Variants in DLGAP2 observed in about 807,000 individuals in gnomAD.
DLGAP2 encodes disks large-associated protein 2.
DLGAP2 carries 26 observed loss-of-function variants against 100.3 expected under a neutral mutation model. The observed-to-expected ratio is 0.26, with a 90% confidence interval of 0.19 to 0.36. DLGAP2 has a LOEUF of 0.36. Among genes scored for constraint, DLGAP2 ranks in the 10% least tolerant of loss-of-function variants. The pLI, the probability that DLGAP2 is intolerant of heterozygous loss-of-function variation, is 1.00. For missense variants in DLGAP2, 1,858 were observed against 1,453.2 expected (o/e 1.28, Z -4.53); for synonymous variants, 886 against 630.1 (o/e 1.41, Z -6.08).
At chr8:1,691,716 G>A in intron 13 of DLGAP2, 90 bp downstream of exon 13, 1 of 1,149,110 alleles carries the variant, frequency 8.7e-7, no homozygotes, top group Non-Finnish European at 1.3e-6. Context: ...CCTTGTCAAA[G>A]AGTTCCCATC....
chr8:1,052,355 G>A (rs893482722), intron 2 of DLGAP2, among the ~76,000 whole-genome samples: 2 of 152,220 alleles, frequency 1.3e-5, no homozygotes, highest in Non-Finnish European at 2.9e-5. Flanking sequence ...AAGCTCAGTA[G>A]CCTGTAATCC....
In DLGAP2 at chr8:1,027,074, G is replaced by A. The variant is rs11989554; in HGVS notation, c.73+119108G>A. On this transcript the variant is annotated intron_variant, in intron 2 of 14. Transcript: ENST00000637795. ...TGAAATATGTGCCCATAATGGCTGT[G>A]CCTCTTTATTTCTAGTATTTAGGGA... is the stretch of plus-strand genomic sequence containing the variant. Among the ~76,000 whole-genome samples, 988 of 152,182 alleles carry A rather than the reference G, an allele frequency of 6.5e-3. 13 individuals are homozygous for A. Among genetic ancestry groups the A allele is most frequent in the African/African-American group, 0.021 (886 of 41,508 alleles).
At chr8:1,627,759 T>C (rs1445744320) in intron 7 of DLGAP2, among the ~76,000 whole-genome samples, 58 of 151,790 alleles carry the variant, frequency 3.8e-4, no homozygotes, top group African/African-American at 1.3e-3. Context: ...CCTCACATTC[T>C]CTCTGACTTA....
chr8:1,254,888 C>CGTGCTGTGTCTGTGCTCTCTCCTGCCCAG (rs1799138244), intron 2 of DLGAP2, among the ~76,000 whole-genome samples: 1 of 128,736 alleles, frequency 7.8e-6, no homozygotes, highest in African/African-American at 3.6e-5. Context: ...CTCCTGCCCG[C>CGTGCTGTGTCTGTGCTCTCTCCTGCCCAG]GTGCTGTGTC....
At chr8:1,105,517 G>T (rs1172750020) in intron 2 of DLGAP2, among the ~76,000 whole-genome samples, 7 of 152,076 alleles carry the variant, frequency 4.6e-5, no homozygotes, top group Non-Finnish European at 8.8e-5. Flanking sequence ...GCTGAGCGGG[G>T]GTCTGTGCCT....
chr8:1,669,656 A>G (rs1264614012), intron 9 of DLGAP2, 87 bp from the exon 10 acceptor site: 2 of 776,210 alleles, frequency 2.6e-6, no homozygotes, highest in Non-Finnish European at 4.8e-6. Flanking sequence ...GTAGCTAGGC[A>G]TGCGGGCGGA....
intron 2 of DLGAP2, among the ~76,000 whole-genome samples, chr8:1,253,954 C>T (rs779324672): frequency 3.9e-5 from 6 of 152,158 alleles, no homozygotes; most frequent in Non-Finnish European, 7.3e-5. Flanking sequence ...GTGGGGAAAG[C>T]CCTGAATCTG....
At chr8:1,061,515 C>A (rs750501373) in intron 2 of DLGAP2, among the ~76,000 whole-genome samples, 1 of 152,170 alleles carries the variant, frequency 6.6e-6, no homozygotes, top group East Asian at 1.9e-4. Flanking sequence ...TTATTTGCAT[C>A]CCCCCCTCCA....
At position 1,407,740 on chromosome 8, in the gene DLGAP2, C is replaced by T. The variant is rs1385148484; in HGVS notation, c.107-93626C>T. On this transcript the variant is annotated intron_variant, in intron 3 of 14. Transcript: ENST00000637795. ...ATTGAGTGCTTACTGAGCGCCAGCT[C>T]GTCATCCTCCAGAGTCGTGTATTGA... 1.3e-4 allele frequency among the ~76,000 whole-genome samples: 18 copies of T among 139,302 alleles called. 2 individuals are homozygous for T. The highest frequency in any genetic ancestry group is 4.2e-4 in the African/African-American group (16 of 37,762). 91.4% of individuals were successfully genotyped at this position (139,302 alleles called of 152,430 possible).
At chr8:1,479,934 G>T (rs1799042869) in intron 3 of DLGAP2, among the ~76,000 whole-genome samples, 1 of 152,188 alleles carries the variant, frequency 6.6e-6, no homozygotes, top group African/African-American at 2.4e-5. Flanking sequence ...TGTAAATTGG[G>T]TAGTGCTGGC....
intron 3 of DLGAP2, among the ~76,000 whole-genome samples, chr8:1,384,508 G>T (rs1456119237): frequency 1.0e-5 from 1 of 98,914 alleles, no homozygotes; most frequent in Non-Finnish European, 2.2e-5. Context: ...CGCGGCCTGT[G>T]CCCGGCCCCT....
chr8:1,500,966 C>T (rs898064971), intron 3 of DLGAP2, among the ~76,000 whole-genome samples: 4 of 152,128 alleles, frequency 2.6e-5, no homozygotes, highest in African/African-American at 9.7e-5. Context: ...TTCTCATGGG[C>T]GATGCAGGGC....
chr8:780,567 A>C (rs1009299400), intron 1 of DLGAP2, among the ~76,000 whole-genome samples: 1 of 152,160 alleles, frequency 6.6e-6, no homozygotes, highest in African/African-American at 2.4e-5. Flanking sequence ...ACAGCATTTC[A>C]CTAATTTACC....
intron 3 of DLGAP2, among the ~76,000 whole-genome samples, chr8:1,455,134 C>T (rs991092258): frequency 6.6e-6 from 1 of 152,226 alleles, no homozygotes; most frequent in East Asian, 1.9e-4. Flanking sequence ...TCATGGCAAC[C>T]CTGTGAGCGG....
At chr8:1,432,314 A>T (rs533097480) in intron 3 of DLGAP2, among the ~76,000 whole-genome samples, 1 of 152,356 alleles carries the variant, frequency 6.6e-6, no homozygotes, top group Admixed American at 6.5e-5. Context: ...AATCTGAGAA[A>T]CTGCTTTTAT....
intron 12 of DLGAP2, among the ~76,000 whole-genome samples, chr8:1,679,922 G>A (rs1465254288): frequency 7.1e-6 from 1 of 140,970 alleles, no homozygotes; most frequent in Non-Finnish European, 1.5e-5. Context: ...AGAGGTTGCA[G>A]TGAGTCAAGA....
chr8:921,765 A>T (rs114336868), intron 2 of DLGAP2, among the ~76,000 whole-genome samples: 1,523 of 152,286 alleles, frequency 0.01, 27 homozygotes, highest in African/African-American at 0.035. Context: ...GCCGCCTCCC[A>T]TTGAGCCACT....
intron 1 of DLGAP2, among the ~76,000 whole-genome samples, chr8:858,507 G>A (rs1017447588): frequency 3.3e-5 from 5 of 152,076 alleles, no homozygotes; most frequent in African/African-American, 1.2e-4. Flanking sequence ...GTGGGCACAT[G>A]TGTGGTGCTG....
intron 2 of DLGAP2, among the ~76,000 whole-genome samples, chr8:1,180,696 T>C (rs1038297092): frequency 1.3e-5 from 2 of 150,754 alleles, no homozygotes; most frequent in African/African-American, 4.9e-5. Flanking sequence ...ACAATTACCG[T>C]CGAGTGTGTG....
Sources: gnomAD v4.1 joint callset for allele counts (sites outside exome capture counted in the v4.1 genomes callset) on GRCh38, gnomAD v4.1.1 for gene constraint, MANE v1.5 for transcripts, NCBI Gene and HGNC (gene_info 2026-07-23, HGNC 2026-07-21) for gene names.